KHDRBS3: variants seen among roughly 807,000 people sequenced by gnomAD.
KHDRBS3 encodes the protein KH domain-containing, RNA-binding, signal transduction-associated protein 3.
In KHDRBS3, 23 loss-of-function variants were observed where a neutral mutation model predicts 45.6. The observed-to-expected ratio is 0.50, with a 90% CI of 0.36 to 0.72. The LOEUF is 0.72. Ranked by LOEUF, KHDRBS3 falls within the 30% of genes least tolerant of loss-of-function variation. The probability of loss-of-function intolerance (pLI) is 0.00; values close to 1 mark genes in which losing one functional copy is unlikely to be tolerated. For missense variants in KHDRBS3, 352 were observed against 424.8 expected (o/e 0.83, Z 1.51); for synonymous variants, 162 against 156.5 (o/e 1.04, Z -0.26).
chr8:135,469,276 CAT>C (rs1278500497), intron 1 of KHDRBS3, among the ~76,000 whole-genome samples: 2 of 152,188 alleles, frequency 1.3e-5, no homozygotes, highest in Non-Finnish European at 2.9e-5. Context: ...AAGAGTATGC[CAT>C]TAGGAAGGAC....
At chr8:135,641,185 T>C (rs558407047) in intron 7 of KHDRBS3, among the ~76,000 whole-genome samples, 2 of 152,362 alleles carry the variant, frequency 1.3e-5, no homozygotes, top group South Asian at 2.1e-4. Context: ...ATTTTTATTA[T>C]GCTGAACTGT....
chr8:135,515,343 G>T (rs11779628), intron 1 of KHDRBS3, among the ~76,000 whole-genome samples: 47,266 of 129,452 alleles, frequency 0.37, 9,488 homozygotes, highest in South Asian at 0.52. Context: ...TCCAGCCTGG[G>T]CGACAGAGCG....
At chr8:135,470,341 T>C (rs529424957) in intron 1 of KHDRBS3, among the ~76,000 whole-genome samples, 3 of 152,260 alleles carry the variant, frequency 2.0e-5, no homozygotes, top group African/African-American at 7.2e-5. Flanking sequence ...AGTACTAAAG[T>C]GTCTCTTTCT....
intron 2 of KHDRBS3, among the ~76,000 whole-genome samples, chr8:135,535,305 A>AATAGGG (rs1340712202): frequency 4.1e-5 from 4 of 98,656 alleles, no homozygotes; most frequent in African/African-American, 1.6e-4. Context: ...TATATAGTTA[A>AATAGGG]ACTATATATA....
intron 3 of KHDRBS3, among the ~76,000 whole-genome samples, chr8:135,543,836 G>C (rs1421358825): frequency 6.6e-6 from 1 of 152,090 alleles, no homozygotes; most frequent in African/African-American, 2.4e-5. Context: ...CGACAGCATT[G>C]GAAAACATGA....
At chr8:135,557,644 T>C in intron 5 of KHDRBS3, 57 bp downstream of exon 5, 4 of 1,341,052 alleles carry the variant, frequency 3.0e-6, no homozygotes, top group East Asian at 4.7e-5. Context: ...TAATATTTCC[T>C]TTATTAGTAG....
At chr8:135,520,416 T>C (rs1296845432) in intron 1 of KHDRBS3, among the ~76,000 whole-genome samples, 1 of 152,212 alleles carries the variant, frequency 6.6e-6, no homozygotes, top group African/African-American at 2.4e-5. Flanking sequence ...TAAAATTTTC[T>C]AGGATCTGGA....
At chr8:135,654,115 A>G (rs1831483225) in intron 4 of KHDRBS3, among the ~76,000 whole-genome samples, 1 of 151,980 alleles carries the variant, frequency 6.6e-6, no homozygotes, top group South Asian at 2.1e-4. Flanking sequence ...ACAATATACC[A>G]TTTTCTCCCC....
chr8:135,609,736 G>A (rs1484900233), intron 7 of KHDRBS3, among the ~76,000 whole-genome samples: 2 of 151,910 alleles, frequency 1.3e-5, no homozygotes, highest in African/African-American at 4.9e-5. Context: ...TGTACCTGCA[G>A]TCTGTTGTTG....
intron 2 of KHDRBS3, 31 bp from the exon 3 acceptor site, chr8:135,542,623 T>C: frequency 7.2e-7 from 1 of 1,380,536 alleles, no homozygotes. Flanking sequence ...CACATATAAA[T>C]GCTACAAATT....
intron 1 of KHDRBS3, among the ~76,000 whole-genome samples, chr8:135,497,933 G>A (rs970630766): frequency 7.5e-4 from 114 of 152,228 alleles, no homozygotes; most frequent in African/African-American, 2.4e-3. Flanking sequence ...CACTGTTAGA[G>A]GATTTACATG....
chr8:135,558,772 CCA>C (rs1827019819), intron 5 of KHDRBS3, among the ~76,000 whole-genome samples: 2 of 76,674 alleles, frequency 2.6e-5, no homozygotes, highest in African/African-American at 1.4e-4. Flanking sequence ...TGACAAATTA[CCA>C]CAGATTTTTT....
intron 7 of KHDRBS3, among the ~76,000 whole-genome samples, chr8:135,612,534 G>A (rs963624872): frequency 6.6e-6 from 1 of 151,882 alleles, no homozygotes; most frequent in Non-Finnish European, 1.5e-5. Context: ...GTGCCATGTA[G>A]CACTTGATGT....
intron 6 of KHDRBS3, among the ~76,000 whole-genome samples, chr8:135,603,906 G>A (rs1765561497): frequency 6.6e-6 from 1 of 151,276 alleles, no homozygotes. Context: ...CTCTATAGAT[G>A]TCGATTAGGT....
At chr8:135,570,260 C>T (rs964548836) in intron 5 of KHDRBS3, among the ~76,000 whole-genome samples, 4 of 151,916 alleles carry the variant, frequency 2.6e-5, no homozygotes, top group African/African-American at 4.8e-5. Context: ...TTTTTAGAGG[C>T]GTAAACACCA....
At chr8:135,540,333 C>T (rs1825982821) in intron 2 of KHDRBS3, 1 of 152,134 alleles carries the variant, frequency 6.6e-6, no homozygotes, top group South Asian at 2.1e-4. Flanking sequence ...TGTGGGAAAA[C>T]TCGAGAGCGC....
chr8:135,467,405 C>T (rs1301543540), intron 1 of KHDRBS3, among the ~76,000 whole-genome samples: 1 of 152,254 alleles, frequency 6.6e-6, no homozygotes, highest in African/African-American at 2.4e-5. Context: ...CTACAGTTCA[C>T]ATGCTGATGG....
chr8:135,607,175 G>T, intron 7 of KHDRBS3, 138 bp downstream of exon 7: 1 of 573,802 alleles, frequency 1.7e-6, no homozygotes, highest in Non-Finnish European at 3.1e-6. Flanking sequence ...AAATGGAGAA[G>T]CCCTGTCTGT....
chr8:135,624,710 A>G (rs1830285223), intron 7 of KHDRBS3, among the ~76,000 whole-genome samples: 1 of 152,316 alleles, frequency 6.6e-6, no homozygotes, highest in African/African-American at 2.4e-5. Flanking sequence ...TCCCCAACAC[A>G]ATGTCAAACA....
Sources: allele counts gnomAD v4.1 joint callset (sites outside exome capture counted in the v4.1 genomes callset), GRCh38; gene constraint gnomAD v4.1.1; transcripts MANE v1.5; gene names NCBI Gene and HGNC (gene_info 2026-07-23, HGNC 2026-07-21).